Variants in DIAPH2 observed in about 807,000 individuals in gnomAD.
DIAPH2 encodes the protein protein diaphanous homolog 2.
In DIAPH2, 35 loss-of-function variants were observed where a neutral mutation model predicts 92.7. The observed-to-expected ratio is 0.38, with a 90% CI of 0.29 to 0.50. The LOEUF is 0.50. Among genes scored for constraint, DIAPH2 ranks in the 20% least tolerant of loss-of-function variants. The probability of loss-of-function intolerance (pLI) is 0.94; values close to 1 mark genes in which losing one functional copy is unlikely to be tolerated. For synonymous variants in DIAPH2, 301 were observed against 280.4 expected (o/e 1.07, Z -0.73); for missense variants, 701 against 819.5 (o/e 0.86, Z 1.77).
chrX:97,377,419 G>A (rs779492234), intron 24 of DIAPH2, among the ~76,000 whole-genome samples: 1 of 112,034 alleles, frequency 8.9e-6, no homozygotes, highest in East Asian at 2.8e-4. Flanking sequence ...CATGAGTAAT[G>A]TGTTGTGCTC....
chrX:96,966,832 G>A (rs1470715050), intron 17 of DIAPH2, among the ~76,000 whole-genome samples: 2 of 111,817 alleles, frequency 1.8e-5, no homozygotes, highest in East Asian at 5.6e-4. Context: ...AAGATAGTAT[G>A]AAATTACATT....
intron 22 of DIAPH2, among the ~76,000 whole-genome samples, chrX:97,244,752 T>A (rs2147546328): frequency 8.9e-6 from 1 of 111,969 alleles, no homozygotes; most frequent in African/African-American, 3.2e-5. Flanking sequence ...TGTCCCTTTA[T>A]TTTCAGAGAT....
chrX:96,779,777 G>T (rs2064403249), intron 4 of DIAPH2, among the ~76,000 whole-genome samples: 1 of 112,146 alleles, frequency 8.9e-6, no homozygotes, highest in African/African-American at 3.2e-5. Flanking sequence ...AGAAATGTAT[G>T]TTGCCATAGT....
intron 19 of DIAPH2, among the ~76,000 whole-genome samples, chrX:97,092,488 A>C (rs766163887): frequency 4.2e-4 from 47 of 112,594 alleles, no homozygotes; most frequent in Non-Finnish European, 7.5e-4. Context: ...TTAGCTTGCC[A>C]GATGTGTCAA....
chrX:97,088,781 T>A (rs749550233), intron 19 of DIAPH2, among the ~76,000 whole-genome samples: 1 of 112,287 alleles, frequency 8.9e-6, no homozygotes, highest in South Asian at 3.7e-4. Flanking sequence ...CAAATAAATA[T>A]TTACATAAGG....
At chrX:97,375,316 C>T (rs1054469908) in intron 24 of DIAPH2, among the ~76,000 whole-genome samples, 5 of 110,909 alleles carry the variant, frequency 4.5e-5, no homozygotes, top group African/African-American at 1.6e-4. Flanking sequence ...ATTACCTGGG[C>T]GTCGTGGTGG....
At chrX:97,013,490 A>T (rs2066241014) in intron 17 of DIAPH2, among the ~76,000 whole-genome samples, 1 of 111,962 alleles carries the variant, frequency 8.9e-6, no homozygotes, top group Non-Finnish European at 1.9e-5. Context: ...CTTTTTCCTT[A>T]TAAAGATGGC....
chrX:96,992,487 C>T (rs1048250354), intron 17 of DIAPH2, among the ~76,000 whole-genome samples: 2 of 111,885 alleles, frequency 1.8e-5, no homozygotes, highest in African/African-American at 6.5e-5. Context: ...GCTTTCCTGA[C>T]AAAAATCAGA....
At chrX:96,850,536 T>C (rs1000946273) in intron 4 of DIAPH2, among the ~76,000 whole-genome samples, 3 of 112,184 alleles carry the variant, frequency 2.7e-5, no homozygotes, top group Non-Finnish European at 5.6e-5. Flanking sequence ...CTCATAACCA[T>C]TATGTGATAC....
chrX:96,703,038 G>A (rs1454490915), intron 1 of DIAPH2, among the ~76,000 whole-genome samples: 1 of 111,662 alleles, frequency 9.0e-6, no homozygotes, highest in Non-Finnish European at 1.9e-5. Flanking sequence ...CCATGACAAC[G>A]CATAACTGCA....
At chrX:96,735,655 A>G (rs774956541) in intron 1 of DIAPH2, 103 bp from the exon 2 acceptor site, 1 of 490,431 alleles carries the variant, frequency 2.0e-6, no homozygotes, top group African/African-American at 2.5e-5. Flanking sequence ...TTGACTGTTT[A>G]CAGTTAATAA....
intron 4 of DIAPH2, among the ~76,000 whole-genome samples, chrX:96,879,792 G>A (rs1413184232): frequency 9.1e-6 from 1 of 109,621 alleles, no homozygotes; most frequent in Admixed American, 9.7e-5. Flanking sequence ...TGCTGTGGCG[G>A]GATCTCAGCT....
chrX:97,470,317 G>T (rs183313705), intron 26 of DIAPH2, among the ~76,000 whole-genome samples: 2 of 111,402 alleles, frequency 1.8e-5, no homozygotes, highest in Non-Finnish European at 3.8e-5. Flanking sequence ...GAAATACCCT[G>T]AGTGTTTTAA....
intron 5 of DIAPH2, among the ~76,000 whole-genome samples, chrX:96,887,203 G>A (rs2147754731): frequency 8.9e-6 from 1 of 111,837 alleles, no homozygotes; most frequent in South Asian, 3.8e-4. Context: ...AACACTTTTA[G>A]GCAGAAAATC....
intron 22 of DIAPH2, among the ~76,000 whole-genome samples, chrX:97,209,625 G>A (rs942367576): frequency 7.2e-5 from 8 of 110,857 alleles, no homozygotes; most frequent in Non-Finnish European, 3.8e-5. Flanking sequence ...AATATTTGTT[G>A]CAAATGTTTT....
chrX:96,996,118 T>G (rs1446823890), intron 17 of DIAPH2, among the ~76,000 whole-genome samples: 1 of 111,968 alleles, frequency 8.9e-6, no homozygotes, highest in African/African-American at 3.2e-5. Context: ...AGCAGTTCTT[T>G]TGAAAGTTAA....
chrX:97,209,150 C>A (rs747442333), intron 22 of DIAPH2, among the ~76,000 whole-genome samples: 38 of 110,646 alleles, frequency 3.4e-4, no homozygotes, highest in Non-Finnish European at 7.0e-4. Flanking sequence ...TTTTTATCTC[C>A]TCCCTTTGAT....
intron 5 of DIAPH2, 36 bp downstream of exon 5, chrX:96,881,754 A>C (rs1245684287): frequency 8.6e-7 from 1 of 1,165,893 alleles, no homozygotes; most frequent in Non-Finnish European, 1.2e-6. Flanking sequence ...TGATTCATAC[A>C]ATTTGTAGTG....
chrX:97,458,906 T>A (rs2070433783), intron 26 of DIAPH2, among the ~76,000 whole-genome samples: 1 of 111,551 alleles, frequency 9.0e-6, no homozygotes, highest in African/African-American at 3.3e-5. Flanking sequence ...CCAACATGGG[T>A]ATGCTGAAGC....
Sources: gnomAD v4.1 joint callset for allele counts (sites outside exome capture counted in the v4.1 genomes callset) on GRCh38, gnomAD v4.1.1 for gene constraint, MANE v1.5 for transcripts, NCBI Gene and HGNC (gene_info 2026-07-23, HGNC 2026-07-21) for gene names.